Variants in ATP10B observed in about 807,000 individuals in gnomAD.
ATP10B encodes phospholipid-transporting ATPase VB.
ATP10B carries 122 observed loss-of-function variants against 141.2 expected under a neutral mutation model. The observed-to-expected ratio is 0.86, with a 90% CI of 0.75 to 1.00. The LOEUF (loss-of-function observed/expected upper bound fraction) is 1.00. Ranked by LOEUF, ATP10B falls within the 50% of genes least tolerant of loss-of-function variation. ATP10B has a pLI of 0.00. For synonymous variants in ATP10B, 685 were observed against 692.0 expected, an observed-to-expected ratio of 0.99 and a Z score of 0.16; for missense variants, 1,876 against 1,825.3, an observed-to-expected ratio of 1.03 and a Z score of -0.51.
chr5:160,598,336 A>G (rs922150763), intron 22 of ATP10B, among the ~76,000 whole-genome samples: 2 of 151,990 alleles, frequency 1.3e-5, no homozygotes, highest in African/African-American at 4.8e-5. Flanking sequence ...GAATTGAACA[A>G]TGAGAACACA....
the ATP10B span, among the ~76,000 whole-genome samples, chr5:160,929,036 G>A: frequency 6.6e-6 from 1 of 152,198 alleles, no homozygotes; most frequent in African/African-American, 2.4e-5. Flanking sequence ...GGGGGTCCCT[G>A]GGATCCTGTT....
chr5:160,649,296 G>A (rs759597476), intron 7 of ATP10B, 40 bp from the exon 8 acceptor site: 6 of 1,454,142 alleles, frequency 4.1e-6, no homozygotes, highest in Non-Finnish European at 5.8e-6. Flanking sequence ...TAATTCAGAG[G>A]GATCTAGTTT....
intron 23 of ATP10B, among the ~76,000 whole-genome samples, chr5:160,590,342 A>T (rs776330815): frequency 2.6e-5 from 4 of 152,010 alleles, no homozygotes; most frequent in Non-Finnish European, 4.4e-5. Context: ...AAAACACAAG[A>T]TCCCTGCCTC....
the ATP10B span, among the ~76,000 whole-genome samples, chr5:160,924,836 C>G: frequency 4.6e-5 from 7 of 152,132 alleles, no homozygotes; most frequent in African/African-American, 1.7e-4. Flanking sequence ...TCAAAATGGC[C>G]AGGTCCAGAG....
intron 2 of ATP10B, among the ~76,000 whole-genome samples, chr5:160,719,590 T>C (rs1765875069): frequency 1.3e-5 from 2 of 152,200 alleles, no homozygotes; most frequent in South Asian, 4.1e-4. Flanking sequence ...TTTATAACAA[T>C]GGACTGGAAT....
chr5:160,653,568 C>CATATACATATATACATATATACAT (rs1193180455), intron 7 of ATP10B, among the ~76,000 whole-genome samples: 4 of 72,130 alleles, frequency 5.5e-5, no homozygotes, highest in Admixed American at 1.7e-4. Flanking sequence ...ATATATATTA[C>CATATACATATATACATATATACAT]ATATACATAT....
chr5:160,889,117 G>A, the ATP10B span, among the ~76,000 whole-genome samples: 1 of 152,188 alleles, frequency 6.6e-6, no homozygotes, highest in Admixed American at 6.5e-5. Flanking sequence ...GTTTCATGGT[G>A]AAATGACCAG....
At position 160,564,156 on chromosome 5, in the gene ATP10B, C is replaced by T. The variant is rs147384461; in HGVS notation, c.*1297G>A. Reference sequence around the variant, plus strand: ...CTCACCACACTTATTGCATCTATTTCTGTACTTTTTGCCTACTATATAGGT... The same window carrying T: ...CTCACCACACTTATTGCATCTATTTTTGTACTTTTTGCCTACTATATAGGT... On this transcript the variant is annotated 3_prime_UTR_variant, in exon 26 of 26. Transcript: ENST00000327245. 4 of 152,280 alleles carry T rather than the reference C, an allele frequency of 2.6e-5. No homozygotes were observed. In the East Asian group the frequency reaches 7.7e-4, roughly 29 times the overall value. 9.4% of individuals were successfully genotyped at this position (152,280 alleles called of 1,614,324 possible). A position where few individuals can be genotyped will look rare whatever the true frequency, so the allele number is the denominator to read the frequency against.
At chr5:160,631,650 ACATAAG>A (rs1294592637) in intron 13 of ATP10B, among the ~76,000 whole-genome samples, 1 of 152,262 alleles carries the variant, frequency 6.6e-6, no homozygotes, top group East Asian at 1.9e-4. Flanking sequence ...CCTTATAGAA[ACATAAG>A]CATAACAAAT....
intron 6 of ATP10B, among the ~76,000 whole-genome samples, chr5:160,684,604 A>G (rs1763638299): frequency 6.6e-6 from 1 of 152,240 alleles, no homozygotes; most frequent in Non-Finnish European, 1.5e-5. Context: ...CATTTGAAAT[A>G]GTGAAGAAAA....
the ATP10B span, among the ~76,000 whole-genome samples, chr5:160,887,715 T>C: frequency 6.6e-6 from 1 of 152,210 alleles, no homozygotes; most frequent in African/African-American, 2.4e-5. Flanking sequence ...CCTGAGGGTC[T>C]TTCAGTCACT....
At chr5:160,859,701 C>T in the ATP10B span, among the ~76,000 whole-genome samples, 3 of 151,860 alleles carry the variant, frequency 2.0e-5, no homozygotes, top group Admixed American at 6.6e-5. Context: ...TTTCCCACTG[C>T]TTGTTGGAAA....
At chr5:160,625,063 C>T (rs906715124) in intron 13 of ATP10B, among the ~76,000 whole-genome samples, 2 of 152,182 alleles carry the variant, frequency 1.3e-5, no homozygotes, top group African/African-American at 4.8e-5. Context: ...CCTGCAGTAA[C>T]ATTATCTATT....
Position 160,698,005 on chromosome 5 carries a change from G to A in ATP10B, c.-204-9062C>T, listed in dbSNP as rs1429492832. 3.3e-5 allele frequency among the ~76,000 whole-genome samples: 5 copies of A among 152,260 alleles called. No individual in the cohort carries two copies. The East Asian group carries it at 5.8e-4, about 18-fold the overall frequency. Reference sequence around the variant, plus strand: ...CACATTACACTTTATCACCTGCCAAGTTCATTAGAGTTTAGAGTCTCACAA... The same window carrying A: ...CACATTACACTTTATCACCTGCCAAATTCATTAGAGTTTAGAGTCTCACAA... On this transcript the variant is annotated intron_variant, in intron 3 of 25. Coordinates refer to ENST00000327245, the MANE Select transcript of ATP10B (RefSeq NM_025153.3).
Position 160,834,532 on chromosome 5 carries a change from C to T in ATP10B, c.-576+17409G>A, listed in dbSNP as rs148640749. Among the ~76,000 whole-genome samples, 104 of 152,052 alleles carry T rather than the reference C, an allele frequency of 6.8e-4. 1 individual carries two copies. The highest frequency in any genetic ancestry group is 2.5e-3 in the African/African-American group (103 of 41,510). Reference sequence around the variant, plus strand: ...TCTGTACAAAAGGATGTGCCTTTTTCAGGGCAACATTCTTTATGAAATGCT... The same window carrying T: ...TCTGTACAAAAGGATGTGCCTTTTTTAGGGCAACATTCTTTATGAAATGCT... On this transcript the variant is annotated intron_variant, in intron 1 of 25. Transcript: ENST00000327245.
chr5:160,777,115 G>A (rs1770388358), intron 2 of ATP10B, among the ~76,000 whole-genome samples: 2 of 152,208 alleles, frequency 1.3e-5, no homozygotes, highest in Admixed American at 1.3e-4. Flanking sequence ...TAATCCCAGT[G>A]AGGAAAGACG....
At chr5:160,588,279 T>G (rs1450238049) in intron 24 of ATP10B, among the ~76,000 whole-genome samples, 2 of 152,186 alleles carry the variant, frequency 1.3e-5, no homozygotes, top group Non-Finnish European at 2.9e-5. Context: ...CAATACTATG[T>G]TGAATAGGAG....
At chr5:160,830,317 G>A (rs991451987) in intron 1 of ATP10B, among the ~76,000 whole-genome samples, 2 of 151,942 alleles carry the variant, frequency 1.3e-5, no homozygotes, top group Admixed American at 6.6e-5. Flanking sequence ...AAATGCACTC[G>A]AGCAATTCAC....
chr5:160,904,835 G>T, the ATP10B span, among the ~76,000 whole-genome samples: 1 of 152,194 alleles, frequency 6.6e-6, no homozygotes, highest in African/African-American at 2.4e-5. Context: ...ATAAGACAGC[G>T]TGGCTTCACA....
Sources: gnomAD v4.1 joint callset for allele counts (sites outside exome capture counted in the v4.1 genomes callset) on GRCh38, gnomAD v4.1.1 for gene constraint, MANE v1.5 for transcripts, NCBI Gene and HGNC (gene_info 2026-07-23, HGNC 2026-07-21) for gene names.